RALYL: variants seen among roughly 807,000 people sequenced by gnomAD.
RALYL encodes the protein RNA-binding Raly-like protein.
A neutral mutation model predicts 35.1 loss-of-function variants in RALYL; 29 were observed. The observed-to-expected ratio is 0.83, with a 90% CI of 0.61 to 1.13. RALYL has a LOEUF of 1.13. RALYL is among the 50% of genes most tolerant of loss of function. RALYL has a pLI of 0.00. For synonymous variants in RALYL, 120 were observed against 127.6 expected (o/e 0.94, Z 0.40); for missense variants, 359 against 360.4 (o/e 1.00, Z 0.03).
At chr8:84,653,276 A>G (rs566507351) in intron 2 of RALYL, among the ~76,000 whole-genome samples, 1 of 152,224 alleles carries the variant, frequency 6.6e-6, no homozygotes, top group South Asian at 2.1e-4. Context: ...TAGTCAAAAG[A>G]GTTCTAAGAA....
chr8:84,685,581 G>A (rs531548015), intron 2 of RALYL, among the ~76,000 whole-genome samples: 1 of 152,264 alleles, frequency 6.6e-6, no homozygotes, highest in East Asian at 1.9e-4. Flanking sequence ...AATCACAGAA[G>A]TTACTAATGG....
At chr8:84,456,572 T>C (rs1225555456) in intron 1 of RALYL, among the ~76,000 whole-genome samples, 1 of 152,030 alleles carries the variant, frequency 6.6e-6, no homozygotes, top group Non-Finnish European at 1.5e-5. Context: ...TGATTCATTG[T>C]CTGTCATGAA....
At chr8:84,830,023 G>C (rs1054982934) in intron 4 of RALYL, among the ~76,000 whole-genome samples, 2 of 140,594 alleles carry the variant, frequency 1.4e-5, no homozygotes, top group South Asian at 2.6e-4. Context: ...TACTGGGGGG[G>C]GGGGGGCATT....
At chr8:84,320,054 C>T (rs182405481) in intron 1 of RALYL, among the ~76,000 whole-genome samples, 1 of 152,010 alleles carries the variant, frequency 6.6e-6, no homozygotes, top group African/African-American at 2.4e-5. Context: ...TAAATGCTTT[C>T]TCCACGTTTG....
chr8:84,641,884 T>C (rs1053733424), intron 2 of RALYL, among the ~76,000 whole-genome samples: 5 of 151,634 alleles, frequency 3.3e-5, no homozygotes, highest in African/African-American at 1.2e-4. Flanking sequence ...ACCTTAAACA[T>C]TTAGCAAAGG....
At chr8:84,491,855 T>C (rs373338180) in intron 1 of RALYL, among the ~76,000 whole-genome samples, 2 of 152,072 alleles carry the variant, frequency 1.3e-5, no homozygotes, top group East Asian at 1.9e-4. Flanking sequence ...AGAGCACTTG[T>C]AGGTTTCTTT....
At chr8:84,368,074 C>T (rs893334440) in intron 1 of RALYL, among the ~76,000 whole-genome samples, 2 of 152,138 alleles carry the variant, frequency 1.3e-5, no homozygotes, top group East Asian at 1.9e-4. Flanking sequence ...GTCTCCAACT[C>T]GTGATACACG....
intron 4 of RALYL, among the ~76,000 whole-genome samples, chr8:84,849,743 T>A (rs940549492): frequency 8.5e-5 from 13 of 152,128 alleles, no homozygotes; most frequent in African/African-American, 3.1e-4. Flanking sequence ...CTACCTGTTC[T>A]GATTTTCATT....
intron 1 of RALYL, among the ~76,000 whole-genome samples, chr8:84,299,947 C>T (rs1840461957): frequency 6.6e-6 from 1 of 151,874 alleles, no homozygotes; most frequent in Non-Finnish European, 1.5e-5. Flanking sequence ...ATTTTTGTGT[C>T]TCAATTACAT....
At chr8:84,277,624 T>A (rs1483067262) in intron 1 of RALYL, among the ~76,000 whole-genome samples, 2 of 152,118 alleles carry the variant, frequency 1.3e-5, no homozygotes, top group Non-Finnish European at 2.9e-5. Context: ...TAAAAACAAG[T>A]TAGTTACTTC....
chr8:84,647,002 T>G (rs1311260869), intron 2 of RALYL, among the ~76,000 whole-genome samples: 1 of 152,094 alleles, frequency 6.6e-6, no homozygotes, highest in Non-Finnish European at 1.5e-5. Flanking sequence ...CCACAGGCAA[T>G]GGAAATACTT....
chr8:84,308,673 T>A (rs529163051), intron 1 of RALYL, among the ~76,000 whole-genome samples: 1 of 152,250 alleles, frequency 6.6e-6, no homozygotes, highest in Non-Finnish European at 1.5e-5. Context: ...AATTTCAGAG[T>A]TGTTAAAAGT....
chr8:84,406,216 T>C (rs910455600), intron 1 of RALYL, among the ~76,000 whole-genome samples: 3 of 152,170 alleles, frequency 2.0e-5, no homozygotes, highest in Admixed American at 6.6e-5. Context: ...TGTTCTTAAA[T>C]GGCTATACAA....
rs145127532 is a variant in RALYL at position 84,324,591 on chromosome 8, G to GTT, written c.-24+140168_-24+140169insTT. On this transcript the variant is annotated intron_variant, in intron 1 of 8. Transcript: ENST00000521268. ...GTTTATATTTTTTCAGTAAATAGTT[G>GTT]TGTTTTTTTTTGTAAACTTTTCCAG... 7.8e-3 allele frequency among the ~76,000 whole-genome samples: 1,177 copies of GTT among 151,266 alleles called. 18 individuals are homozygous for GTT. The highest frequency in any genetic ancestry group is 0.027 in the African/African-American group (1,127 of 41,168).
At chr8:84,282,698 G>A (rs1009717546) in intron 1 of RALYL, among the ~76,000 whole-genome samples, 1 of 151,464 alleles carries the variant, frequency 6.6e-6, no homozygotes, top group Non-Finnish European at 1.5e-5. Context: ...GAATTAAAAC[G>A]TGTGTACATA....
At chr8:84,547,653 A>G (rs2060454560) in intron 2 of RALYL, among the ~76,000 whole-genome samples, 1 of 151,792 alleles carries the variant, frequency 6.6e-6, no homozygotes. Flanking sequence ...TGCTGGGATT[A>G]CAGGCATGAG....
intron 1 of RALYL, among the ~76,000 whole-genome samples, chr8:84,379,931 T>C (rs1254723932): frequency 6.6e-6 from 1 of 151,812 alleles, no homozygotes; most frequent in Non-Finnish European, 1.5e-5. Context: ...TACTGTTTCA[T>C]TAAACATCAT....
chr8:84,696,875 T>C (rs993703248), intron 2 of RALYL, among the ~76,000 whole-genome samples: 1 of 152,000 alleles, frequency 6.6e-6, no homozygotes, highest in Non-Finnish European at 1.5e-5. Context: ...TCAAAGAATA[T>C]CCAGGTGGTT....
chr8:84,464,774 C>T (rs1237508379), intron 1 of RALYL, among the ~76,000 whole-genome samples: 2 of 149,544 alleles, frequency 1.3e-5, no homozygotes, highest in Admixed American at 6.7e-5. Context: ...AAAAGTGTTC[C>T]TATTTCTCCA....
Sources: gnomAD v4.1 joint callset for allele counts (sites outside exome capture counted in the v4.1 genomes callset) on GRCh38, gnomAD v4.1.1 for gene constraint, MANE v1.5 for transcripts, NCBI Gene and HGNC (gene_info 2026-07-23, HGNC 2026-07-21) for gene names.